CLN6: variants seen among roughly 807,000 people sequenced by gnomAD.
CLN6 encodes CLN6 transmembrane ER protein, also known as ceroid-lipofuscinosis neuronal protein 6.
In CLN6, 22 loss-of-function variants were observed where a neutral mutation model predicts 33.3. That is an observed-to-expected ratio of 0.66 (90% CI 0.47 to 0.94). The LOEUF is 0.94. CLN6 is among the 40% of genes least tolerant of loss of function. CLN6 has a pLI of 0.00. For synonymous variants in CLN6, 201 were observed against 174.6 expected (o/e 1.15, Z -1.19); for missense variants, 387 against 417.1 (o/e 0.93, Z 0.63).
chr15:68,209,003 G>A lies in CLN6; in HGVS notation c.666-593C>T, dbSNP rs1324391821. Among the ~76,000 whole-genome samples the A allele has an allele frequency of 2.0e-5, 3 of 152,186 alleles. No homozygotes were observed. Among genetic ancestry groups the A allele is most frequent in the Non-Finnish European group, 1.5e-5 (1 of 68,042 alleles). On this transcript the variant is annotated intron_variant, in intron 6 of 6. Transcript: ENST00000249806. This position sits in a 1 kb window ranked among gnomAD's most constrained non-coding sequence, Gnocchi z 4.9. ...AAGGGTCCAGTCCTGCCCCGACCCT[G>A]TCCTTCCCATGATACCCACAATCCC...
intron 1 of CLN6, among the ~76,000 whole-genome samples, 173 bp from the exon 2 acceptor site, chr15:68,218,823 G>C (rs1178485475): frequency 3.9e-5 from 6 of 152,176 alleles, no homozygotes; most frequent in Non-Finnish European, 7.3e-5. Context: ...CTGTGGTCAA[G>C]GAGAAGGTGG....
chr15:68,223,851 G>A (rs902206007), intron 1 of CLN6, among the ~76,000 whole-genome samples: 1 of 151,946 alleles, frequency 6.6e-6, no homozygotes, highest in African/African-American at 2.4e-5. Flanking sequence ...TTCGAGACCA[G>A]CCTGGCCAAC....
At chr15:68,255,251 T>A (rs1477488148) in intron 1 of CLN6, among the ~76,000 whole-genome samples, 1 of 152,144 alleles carries the variant, frequency 6.6e-6, no homozygotes, top group Non-Finnish European at 1.5e-5. Context: ...CTCTTCTCCC[T>A]TTCCACCTTT....
chr15:68,249,659 G>C (rs561200096), intron 1 of CLN6, among the ~76,000 whole-genome samples: 5 of 152,192 alleles, frequency 3.3e-5, no homozygotes, highest in Non-Finnish European at 7.3e-5. Context: ...CAGTAAGGGT[G>C]GGTGAGGGGA....
At chr15:68,230,476 A>G (rs1193601846), upstream of CLN6, among the ~76,000 whole-genome samples, 1 of 152,180 alleles carries the variant, frequency 6.6e-6, no homozygotes, top group African/African-American at 2.4e-5. The surrounding 1 kb of genome is among the most constrained non-coding windows in gnomAD (Gnocchi z 4.0). Flanking sequence ...ACAGAACCTA[A>G]GGGGACAGCA....
chr15:68,226,513 C>A (rs1037179582), intron 1 of CLN6, among the ~76,000 whole-genome samples: 2 of 151,966 alleles, frequency 1.3e-5, no homozygotes, highest in African/African-American at 4.8e-5. Flanking sequence ...GTTGCCCAGG[C>A]TGGAGTATAA....
chr15:68,252,895 G>A lies in CLN6; in HGVS notation c.179+3795C>T, dbSNP rs577003181. ...CATATTTTTAAAAATCAAGAATATA[G>A]TCAATCTGAAACTCAAGCTAGTATT... On this transcript the variant is annotated intron_variant, in intron 1 of 6. Transcript: ENST00000538696. Among the ~76,000 whole-genome samples, 233 of 152,238 alleles carry A rather than the reference G, an allele frequency of 1.5e-3. 1 individual carries two copies. The highest frequency in any genetic ancestry group is 2.2e-3 in the Non-Finnish European group (149 of 68,018).
rs1449019695 is a variant in CLN6, at chr15:68,211,758, G to C, written c.403C>G (p.His135Asp). 1.2e-6 allele frequency: 2 copies of C among 1,613,834 alleles called. No individual in the cohort carries two copies. Among genetic ancestry groups the C allele is most frequent in the Non-Finnish European group, 1.7e-6 (2 of 1,180,012 alleles). Residue 135 changes from histidine (H) to aspartate (D), a missense_variant, in exon 4 of 7, where the codon CAC becomes GAC. Coordinates refer to ENST00000249806, the MANE Select transcript of CLN6 (RefSeq NM_017882.3). This position sits in a 1 kb window ranked among gnomAD's most constrained non-coding sequence, Gnocchi z 5.9. Reference protein sequence around the residue: ...SIHLVGDSVNHRLLFSGYQHH... With the variant: ...SIHLVGDSVNDRLLFSGYQHH... ...TGGTAGCCACTGAAGAGCAGGCGGT[G>C]GTTGACAGAGTCACCCACCAGGTGG...
At chr15:68,224,090 AAAAAATTAAAAATT>A (rs1044254557) in intron 1 of CLN6, among the ~76,000 whole-genome samples, 6 of 151,636 alleles carry the variant, frequency 4.0e-5, no homozygotes, top group Non-Finnish European at 5.9e-5. Context: ...AAACAACTCT[AAAAAATTAAAAATT>A]AAAAATTAAA....
rs567275786 is a variant in CLN6 at position 68,208,203 on chromosome 15, C to T, written c.873G>A (p.Pro291=). 9.3e-6 allele frequency: 15 copies of T among 1,613,570 alleles called. No individual in the cohort carries two copies. Among genetic ancestry groups the T allele is most frequent in the Admixed American group, 1.7e-5 (1 of 59,986 alleles). The stretch of plus-strand genomic sequence containing the variant: ...AGGGCTCAGGGACGTAGATGACACC[C>T]GGGTACTTCTTCCTGAGAACAGGGT... ...WNDPVLRKKY[P]GVIYVPEPWA... The change falls in exon 7 of 7, where the codon CCG becomes CCA. Residue 291 remains proline, a synonymous_variant. Coordinates refer to ENST00000249806, the MANE Select transcript of CLN6 (RefSeq NM_017882.3). The surrounding 1 kb of genome is among the most constrained non-coding windows in gnomAD (Gnocchi z 5.8).
At chr15:68,234,008 A>C (rs1410386675), upstream of CLN6, among the ~76,000 whole-genome samples, 1 of 152,216 alleles carries the variant, frequency 6.6e-6, no homozygotes, top group Admixed American at 6.5e-5. The surrounding 1 kb of genome is among the most constrained non-coding windows in gnomAD (Gnocchi z 4.1). Context: ...GGTTGTGATT[A>C]CTAGAAGCAA....
At chr15:68,225,736 G>A (rs1184208046) in intron 1 of CLN6, among the ~76,000 whole-genome samples, 1 of 152,172 alleles carries the variant, frequency 6.6e-6, no homozygotes, top group Non-Finnish European at 1.5e-5. Flanking sequence ...ACTTTGGGAG[G>A]CCAAGGCAGG....
chr15:68,215,285 T>C (rs993350904), intron 2 of CLN6: 1 of 143,518 alleles, frequency 7.0e-6, no homozygotes, highest in Non-Finnish European at 1.6e-5. Flanking sequence ...CTCTCTCTCT[T>C]ACTCAGTGTG....
chr15:68,212,297 A>G, intron 3 of CLN6: 2 of 200,590 alleles, frequency 1.0e-5, no homozygotes, highest in Non-Finnish European at 2.0e-5. Context: ...AGAAAATGTC[A>G]GGGATGGGGG....
chr15:68,244,381 A>C (rs1892308712), intron 1 of CLN6, among the ~76,000 whole-genome samples: 1 of 151,788 alleles, frequency 6.6e-6, no homozygotes, highest in African/African-American at 2.4e-5. Flanking sequence ...AGAAACCATA[A>C]AGCCAGGAAG....
In CLN6 at chr15:68,211,908, C is replaced by A. The variant is rs766756538; in HGVS notation, c.298-45G>T. ...TGGCAGCATGACCCCACCTCTGTCA[C>A]AGTATGTGACACCCTCTGCTTCCCC... On this transcript the variant is annotated intron_variant, in intron 3 of 6. Transcript: ENST00000249806. This position sits in a 1 kb window ranked among gnomAD's most constrained non-coding sequence, Gnocchi z 5.9. 6.3e-7 allele frequency: 1 copy of A among 1,583,412 alleles called. No individual in the cohort carries two copies. Among genetic ancestry groups the A allele is most frequent in the African/African-American group, 1.3e-5 (1 of 74,338 alleles).
rs1162481591 is a variant in CLN6 at position 68,210,553 on chromosome 15, C to T, written c.542+710G>A. ...GCACCAACTCAGGAGTGAGCCGGGT[C>T]CAGGGCTGGCCCTCACCTCCCAGCT... On this transcript the variant is annotated intron_variant, in intron 5 of 6. Coordinates refer to ENST00000249806, the MANE Select transcript of CLN6 (RefSeq NM_017882.3). The surrounding 1 kb of genome is among the most constrained non-coding windows in gnomAD (Gnocchi z 5.6). Among the ~76,000 whole-genome samples the T allele has an allele frequency of 6.6e-6, 1 of 152,176 alleles. No homozygotes were observed. The highest frequency in any genetic ancestry group is 1.5e-5 in the Non-Finnish European group (1 of 68,028).
At chr15:68,226,153 A>G (rs2093251234) in intron 1 of CLN6, among the ~76,000 whole-genome samples, 1 of 151,610 alleles carries the variant, frequency 6.6e-6, no homozygotes, top group Admixed American at 6.6e-5. Flanking sequence ...CGCCGTCTCT[A>G]CTAAAAATAC....
Position 68,229,667 on chromosome 15 carries a change from A to C in CLN6, c.-83T>G. 2 of 1,192,664 alleles carry C rather than the reference A, an allele frequency of 1.7e-6. No homozygotes were observed. Among genetic ancestry groups the C allele is most frequent in the Non-Finnish European group, 2.2e-6 (2 of 910,186 alleles). The allele number at this position is 1,192,664 out of a possible 1,614,324, so 73.9% of individuals were successfully genotyped here. On this transcript the variant is annotated 5_prime_UTR_variant, in exon 1 of 7. Coordinates refer to ENST00000249806, the MANE Select transcript of CLN6 (RefSeq NM_017882.3). ...GCTGCCCCGGCGGAGGCCGCCGCAA[A>C]TTCCCAGCGCGGGGCGGTTCGGGGC...
Sources: allele counts gnomAD v4.1 joint callset (sites outside exome capture counted in the v4.1 genomes callset), GRCh38; gene constraint gnomAD v4.1.1; non-coding constraint Gnocchi (gnomAD v3.1); transcripts MANE v1.5; gene names NCBI Gene and HGNC (gene_info 2026-07-23, HGNC 2026-07-21).